ADARB2: variants seen among roughly 807,000 people sequenced by gnomAD.
ADARB2 encodes inactive double-stranded RNA-specific editase B2.
Under a neutral mutation model 62.2 loss-of-function variants are expected in ADARB2, and 25 were observed. The ratio of observed to expected loss-of-function variants is 0.40; its 90% CI spans 0.29 to 0.56. The LOEUF (loss-of-function observed/expected upper bound fraction) is 0.56, where lower values mean the gene tolerates loss of function less well. Ranked by LOEUF, ADARB2 falls within the 20% of genes least tolerant of loss-of-function variation. The probability of loss-of-function intolerance (pLI) is 0.43; values close to 1 mark genes in which losing one functional copy is unlikely to be tolerated. For synonymous variants in ADARB2, 572 were observed against 500.8 expected (o/e 1.14, Z -1.90); for missense variants, 1,071 against 1,077.4 (o/e 0.99, Z 0.08).
At chr10:1,326,852 C>CTGGTAGCACAGCA (rs1564257886) in intron 3 of ADARB2, among the ~76,000 whole-genome samples, 1 of 59,866 alleles carries the variant, frequency 1.7e-5, no homozygotes, top group Non-Finnish European at 4.0e-5. Flanking sequence ...CCCAGCGCCT[C>CTGGTAGCACAGCA]CCCACTGCCC....
At chr10:1,316,208 T>C (rs1301455890) in intron 3 of ADARB2, among the ~76,000 whole-genome samples, 1 of 152,244 alleles carries the variant, frequency 6.6e-6, no homozygotes, top group Non-Finnish European at 1.5e-5. Context: ...AGCGAGTTCA[T>C]TTCCCCTTCC....
chr10:1,259,765 A>G (rs1281499513), intron 4 of ADARB2, among the ~76,000 whole-genome samples: 2 of 152,228 alleles, frequency 1.3e-5, no homozygotes, highest in Non-Finnish European at 2.9e-5. Context: ...ATTCCAATCA[A>G]TAGAAAAAGA....
chr10:1,627,133 T>A (rs946110705), intron 1 of ADARB2, among the ~76,000 whole-genome samples: 3 of 152,056 alleles, frequency 2.0e-5, no homozygotes, highest in African/African-American at 7.2e-5. Flanking sequence ...CTCGGGTGAA[T>A]CGTTAGCTCC....
rs116385361 is a variant in ADARB2, at chr10:1,682,348, G to A, written c.100+54703C>T. Among the ~76,000 whole-genome samples the A allele has an allele frequency of 6.3e-3, 959 of 152,298 alleles. 16 individuals carry two copies. Among genetic ancestry groups the A allele is most frequent in the African/African-American group, 0.022 (907 of 41,562 alleles). ...CTTCTGCAGAGCCACTGAGGGTCTC[G>A]CCTAGAGGAATGGCAGCCAGATGAT... On this transcript the variant is annotated intron_variant, in intron 1 of 9. Coordinates refer to ENST00000381312, the MANE Select transcript of ADARB2 (RefSeq NM_018702.4).
chr10:1,603,672 A>G (rs1833458960), intron 1 of ADARB2, among the ~76,000 whole-genome samples: 1 of 148,714 alleles, frequency 6.7e-6, no homozygotes, highest in Admixed American at 6.8e-5. Flanking sequence ...TCACAGTCAC[A>G]TACAATTTTA....
At chr10:1,288,538 C>T (rs1301585496) in intron 3 of ADARB2, among the ~76,000 whole-genome samples, 1 of 152,186 alleles carries the variant, frequency 6.6e-6, no homozygotes, top group African/African-American at 2.4e-5. Flanking sequence ...AGTTGTGGGT[C>T]TGGAAGTCAC....
At chr10:1,685,788 C>A (rs938366905) in intron 1 of ADARB2, among the ~76,000 whole-genome samples, 2 of 152,198 alleles carry the variant, frequency 1.3e-5, no homozygotes, top group African/African-American at 4.8e-5. Context: ...GAATCAAGGT[C>A]CTGATGGAGA....
chr10:1,226,114 T>G (rs912441762), intron 6 of ADARB2, among the ~76,000 whole-genome samples: 1 of 152,228 alleles, frequency 6.6e-6, no homozygotes, highest in Non-Finnish European at 1.5e-5. Flanking sequence ...CATTTCTTTT[T>G]ATTCTTTTTT....
At chr10:1,631,754 G>A (rs188144651) in intron 1 of ADARB2, among the ~76,000 whole-genome samples, 29 of 152,202 alleles carry the variant, frequency 1.9e-4, no homozygotes, top group African/African-American at 5.5e-4. Flanking sequence ...AATGTGGCTC[G>A]GTTCACAGTT....
chr10:1,682,293 G>C (rs532176239), intron 1 of ADARB2, among the ~76,000 whole-genome samples: 1 of 152,312 alleles, frequency 6.6e-6, no homozygotes, highest in South Asian at 2.1e-4. Flanking sequence ...AAGGACCAGT[G>C]TCTGTGCCCC....
At chr10:1,511,013 C>T (rs561670437) in intron 1 of ADARB2, among the ~76,000 whole-genome samples, 3 of 152,130 alleles carry the variant, frequency 2.0e-5, no homozygotes, top group Admixed American at 6.6e-5. Context: ...CTACCATGTC[C>T]GGCTAATTTT....
In ADARB2 at chr10:1,255,696, C is replaced by T. The variant is rs572315117; in HGVS notation, c.1193-13397G>A. On this transcript the variant is annotated intron_variant, in intron 4 of 9. Coordinates refer to ENST00000381312, the MANE Select transcript of ADARB2 (RefSeq NM_018702.4). This position sits in a 1 kb window ranked among gnomAD's most constrained non-coding sequence, Gnocchi z 4.7. ...AGGAAACTGAGGAGATGCCAGTGAC[C>T]TTTCTGTGGGCCTTGGGCAGGGAGC... Among the ~76,000 whole-genome samples, 1 of 152,332 alleles carries T rather than the reference C, an allele frequency of 6.6e-6. No homozygotes were observed. The highest frequency in any genetic ancestry group is 1.9e-4 in the East Asian group (1 of 5,184).
At chr10:1,510,112 CTTTCTTT>C (rs1831910055) in intron 1 of ADARB2, among the ~76,000 whole-genome samples, 5 of 72,646 alleles carry the variant, frequency 6.9e-5, no homozygotes, top group African/African-American at 2.6e-4. Flanking sequence ...TTCTTTCTCT[CTTTCTTT>C]CTTTCTTTCT....
At chr10:1,579,767 G>C (rs1833070842) in intron 1 of ADARB2, among the ~76,000 whole-genome samples, 1 of 152,186 alleles carries the variant, frequency 6.6e-6, no homozygotes, top group South Asian at 2.1e-4. Flanking sequence ...CACCTCTGAG[G>C]TTACCGCTGG....
At chr10:1,540,076 C>G (rs1296383876) in intron 1 of ADARB2, among the ~76,000 whole-genome samples, 3 of 152,162 alleles carry the variant, frequency 2.0e-5, no homozygotes, top group Non-Finnish European at 4.4e-5. Context: ...TGGATTTTAT[C>G]TGAATCGTGG....
At chr10:1,262,235 A>G (rs920491762) in intron 4 of ADARB2, among the ~76,000 whole-genome samples, 7 of 147,480 alleles carry the variant, frequency 4.7e-5, no homozygotes, top group African/African-American at 1.8e-4. Context: ...TGGCACATGT[A>G]TGCATATGTA....
chr10:1,395,005 G>C (rs916682787), intron 1 of ADARB2: 3 of 453,654 alleles, frequency 6.6e-6, no homozygotes, highest in East Asian at 1.4e-4. Context: ...CTGCAGCCTC[G>C]AACTCCTGGG....
chr10:1,670,202 T>C (rs2119100212), intron 1 of ADARB2, among the ~76,000 whole-genome samples: 1 of 152,342 alleles, frequency 6.6e-6, no homozygotes, highest in South Asian at 2.1e-4. Context: ...TAGCAGCCAA[T>C]ATGTTTGCGT....
intron 1 of ADARB2, among the ~76,000 whole-genome samples, chr10:1,468,898 G>T (rs1416132812): frequency 1.3e-5 from 2 of 152,216 alleles, no homozygotes; most frequent in African/African-American, 4.8e-5. Context: ...AAGCCTGCAG[G>T]ATCCACACCA....
Sources: gnomAD v4.1 joint callset for allele counts (sites outside exome capture counted in the v4.1 genomes callset) on GRCh38, gnomAD v4.1.1 for gene constraint, Gnocchi (gnomAD v3.1) non-coding constraint, MANE v1.5 for transcripts, NCBI Gene and HGNC (gene_info 2026-07-23, HGNC 2026-07-21) for gene names.